Variants in MTFR1 observed in about 807,000 individuals in gnomAD.
MTFR1 encodes the protein mitochondrial fission regulator 1.
A neutral mutation model predicts 38.8 loss-of-function variants in MTFR1; 28 were observed. The observed-to-expected ratio is 0.72, with a 90% CI of 0.53 to 0.99. The LOEUF is 0.99. MTFR1 is among the 50% of genes least tolerant of loss of function. MTFR1 has a pLI of 0.00. For missense variants in MTFR1, 358 were observed against 395.5 expected (o/e 0.91, Z 0.81); for synonymous variants, 145 against 137.0 (o/e 1.06, Z -0.41).
intron 3 of MTFR1, among the ~76,000 whole-genome samples, chr8:65,686,625 GACTA>G (rs1180135058): frequency 1.1e-4 from 16 of 142,960 alleles, no homozygotes; most frequent in South Asian, 2.3e-4. Context: ...GTAGTTTTGA[GACTA>G]ACTGAGTATG....
intron 7 of MTFR1, 145 bp downstream of exon 7, chr8:65,708,156 A>G: frequency 6.6e-7 from 1 of 1,525,924 alleles, no homozygotes; most frequent in Non-Finnish European, 8.9e-7. Flanking sequence ...TTACAAGTAG[A>G]TCACGGCTGG....
At chr8:65,747,871 C>A in intron 3 of MTFR1, 2 of 925,118 alleles carry the variant, frequency 2.2e-6, no homozygotes, top group Non-Finnish European at 3.3e-6. Context: ...TTTGCAATAC[C>A]ACTTTTAGTT....
At chr8:65,656,941 T>TG (rs1432052415) in intron 1 of MTFR1, among the ~76,000 whole-genome samples, 1 of 151,998 alleles carries the variant, frequency 6.6e-6, no homozygotes, top group East Asian at 1.9e-4. Flanking sequence ...CCACCACACC[T>TG]GCAGGACAGT....
intron 3 of MTFR1, among the ~76,000 whole-genome samples, chr8:65,690,390 G>A (rs1805238346): frequency 6.6e-6 from 1 of 151,854 alleles, no homozygotes; most frequent in South Asian, 2.1e-4. Flanking sequence ...TACAAAAAAT[G>A]AGCCAGGTGT....
At position 65,662,030 on chromosome 8, in the gene MTFR1, T is replaced by TCCCTCTCTCTCC. The variant is rs1176959613; in HGVS notation, c.-80-7841_-80-7830dup. On this transcript the variant is annotated intron_variant, in intron 1 of 7. Coordinates refer to ENST00000262146, the MANE Select transcript of MTFR1 (RefSeq NM_014637.4). Reference sequence around the variant, plus strand: ...CTCCCTCTCTCTCTCCCTCTCTCTCTCCCTCTCTCTCCCTCTCTCTCTCCC... The same window carrying TCCCTCTCTCTCC: ...CTCCCTCTCTCTCTCCCTCTCTCTCTCCCTCTCTCTCCCCCTCTCTCTCCCTCTCTCTCTCCC... Among the ~76,000 whole-genome samples the TCCCTCTCTCTCC allele has an allele frequency of 2.0e-4, 18 of 89,116 alleles. 1 individual carries two copies. Among genetic ancestry groups the TCCCTCTCTCTCC allele is most frequent in the Middle Eastern group, 5.5e-3 (1 of 182 alleles). 58.5% of individuals were successfully genotyped at this position (89,116 alleles called of 152,430 possible).
intron 3 of MTFR1, among the ~76,000 whole-genome samples, chr8:65,693,077 T>G (rs1458598283): frequency 6.6e-6 from 1 of 151,968 alleles, no homozygotes; most frequent in Non-Finnish European, 1.5e-5. Flanking sequence ...ATTCAAAAAT[T>G]TTTCTTAATT....
intron 3 of MTFR1, among the ~76,000 whole-genome samples, chr8:65,740,443 T>C (rs554041220): frequency 6.6e-6 from 1 of 152,226 alleles, no homozygotes; most frequent in Non-Finnish European, 1.5e-5. Flanking sequence ...CACTGTCACC[T>C]GGGCTGGAGT....
At chr8:65,707,281 T>G (rs767530615) in intron 6 of MTFR1, 25 bp downstream of exon 6, 17 of 1,598,352 alleles carry the variant, frequency 1.1e-5, no homozygotes, top group Non-Finnish European at 1.3e-5. Flanking sequence ...ACCTTCTTTC[T>G]TCCCCATTTG....
intron 3 of MTFR1, among the ~76,000 whole-genome samples, chr8:65,755,121 A>G (rs1169744735): frequency 6.7e-6 from 1 of 149,368 alleles, no homozygotes; most frequent in Non-Finnish European, 1.5e-5. Context: ...CCCAGGTTCA[A>G]GTGATTCTCC....
chr8:65,727,392 G>C (rs1806655531), intron 3 of MTFR1: 12 of 1,542,864 alleles, frequency 7.8e-6, no homozygotes, highest in Non-Finnish European at 1.1e-5. Context: ...GCCAATGGTA[G>C]TGGTGGTAAT....
At chr8:65,698,659 A>G (rs1269111784) in intron 4 of MTFR1, among the ~76,000 whole-genome samples, 1 of 152,094 alleles carries the variant, frequency 6.6e-6, no homozygotes, top group Non-Finnish European at 1.5e-5. Context: ...GGTAATAAGC[A>G]TAGGACTCAA....
intron 4 of MTFR1, among the ~76,000 whole-genome samples, chr8:65,701,910 A>G (rs898477531): frequency 6.6e-6 from 1 of 152,236 alleles, no homozygotes; most frequent in African/African-American, 2.4e-5. Flanking sequence ...TACTCACAGC[A>G]CATCAATCTG....
chr8:65,739,354 G>A (rs1807299551), intron 3 of MTFR1: 1 of 888,972 alleles, frequency 1.1e-6, no homozygotes, highest in Non-Finnish European at 1.5e-6. Context: ...ACAGATGCAA[G>A]AGCTAAATAA....
chr8:65,745,879 A>G (rs1489495420), intron 3 of MTFR1, among the ~76,000 whole-genome samples: 1 of 151,952 alleles, frequency 6.6e-6, no homozygotes, highest in Non-Finnish European at 1.5e-5. Context: ...AGGTACTGTT[A>G]TAAGTTACTC....
In MTFR1 at chr8:65,670,008, G is replaced by A. The variant is rs1333699679; in HGVS notation, c.56G>A (p.Ser19Asn). The change falls in exon 2 of 8, where the codon AGC becomes AAC. Residue 19 changes from serine to asparagine, a missense_variant. Ser to Asn is a conservative substitution (Grantham distance 46, BLOSUM62 1). Transcript: ENST00000262146. Reference protein sequence around the residue: ...IRMVFQQVGVSMQSVLWSRKP... With the variant: ...IRMVFQQVGVNMQSVLWSRKP... ...ATGGTTTTTCAACAAGTTGGAGTAA[G>A]CATGCAATCGGTGAGTGCTCAAAAT... is the stretch of plus-strand genomic sequence containing the variant. 6.2e-7 allele frequency: 1 copy of A among 1,604,456 alleles called. No homozygotes were observed. Among genetic ancestry groups the A allele is most frequent in the Non-Finnish European group, 8.5e-7 (1 of 1,178,074 alleles).
chr8:65,745,567 T>C (rs1447101071), intron 3 of MTFR1: 7 of 674,496 alleles, frequency 1.0e-5, no homozygotes, highest in Admixed American at 5.7e-5. Context: ...TGTAAAGTGA[T>C]TGATTTACTT....
intron 3 of MTFR1, among the ~76,000 whole-genome samples, chr8:65,742,138 G>A (rs541385547): frequency 3.2e-4 from 48 of 152,180 alleles, no homozygotes; most frequent in Non-Finnish European, 4.7e-4. Context: ...AAATGGAAAT[G>A]GAAACACTTT....
intron 7 of MTFR1, 120 bp downstream of exon 7, chr8:65,708,131 G>A (rs2129059928): frequency 6.3e-7 from 1 of 1,594,012 alleles, no homozygotes; most frequent in East Asian, 2.2e-5. Flanking sequence ...GGTGATACAG[G>A]ATTTGGTCCC....
intron 3 of MTFR1, among the ~76,000 whole-genome samples, chr8:65,732,308 T>G (rs1393930509): frequency 6.6e-6 from 1 of 152,074 alleles, no homozygotes; most frequent in Non-Finnish European, 1.5e-5. Context: ...CACTAACATA[T>G]TATTTTGATC....
Sources: gnomAD v4.1 joint callset for allele counts (sites outside exome capture counted in the v4.1 genomes callset) on GRCh38, gnomAD v4.1.1 for gene constraint, MANE v1.5 for transcripts, NCBI Gene and HGNC (gene_info 2026-07-23, HGNC 2026-07-21) for gene names.